Variants in RIMS2 observed in about 807,000 individuals in gnomAD.
The protein encoded by RIMS2 is regulating synaptic membrane exocytosis 2.
In RIMS2, 59 loss-of-function variants were observed where a neutral mutation model predicts 174.4. The ratio of observed to expected loss-of-function variants is 0.34; its 90% CI spans 0.27 to 0.42. The LOEUF is 0.42. Among genes scored for constraint, RIMS2 ranks in the 10% least tolerant of loss-of-function variants. The probability of loss-of-function intolerance (pLI) is 1.00; values close to 1 mark genes in which losing one functional copy is unlikely to be tolerated. For synonymous variants in RIMS2, 606 were observed against 572.5 expected, an observed-to-expected ratio of 1.06 and a Z score of -0.84; for missense variants, 1,620 against 1,666.3, an observed-to-expected ratio of 0.97 and a Z score of 0.48.
chr8:103,682,978 A>G (rs1188509577), intron 1 of RIMS2, among the ~76,000 whole-genome samples: 2 of 152,176 alleles, frequency 1.3e-5, no homozygotes, highest in Non-Finnish European at 2.9e-5. Context: ...TAGCTCTGCT[A>G]CTAATTTAAC....
chr8:103,759,284 G>T (rs2098077781), intron 2 of RIMS2, among the ~76,000 whole-genome samples: 2 of 152,244 alleles, frequency 1.3e-5, no homozygotes, highest in African/African-American at 2.4e-5. Context: ...AGGCCAAGAA[G>T]GACAGGTGTG....
intron 19 of RIMS2, among the ~76,000 whole-genome samples, chr8:104,144,161 A>G (rs2098608819): frequency 6.6e-6 from 1 of 152,110 alleles, no homozygotes. Flanking sequence ...TTCTTTAACC[A>G]TTCAGGATAC....
Position 103,628,354 on chromosome 8 carries a change from G to GT in RIMS2, c.177-68716dup, listed in dbSNP as rs5893660. On this transcript the variant is annotated intron_variant, in intron 1 of 23. Coordinates refer to ENST00000504942, the Ensembl canonical transcript of RIMS2. The stretch of plus-strand genomic sequence containing the variant: ...GGGAGTGAGTGGGAGTGAGATCCCT[G>GT]TTTTTTTTTTTTTTTTGAATCAGAA... Among the ~76,000 whole-genome samples the GT allele has an allele frequency of 9.5e-3, 1,295 of 136,472 alleles. 8 individuals carry two copies. The highest frequency in any genetic ancestry group is 0.017 in the South Asian group (74 of 4,278). 89.5% of individuals were successfully genotyped at this position (136,472 alleles called of 152,430 possible).
intron 1 of RIMS2, among the ~76,000 whole-genome samples, chr8:103,568,174 T>C (rs1410450308): frequency 6.6e-6 from 1 of 152,106 alleles, no homozygotes; most frequent in Non-Finnish European, 1.5e-5. Flanking sequence ...GGTGTGCCTC[T>C]GTAGTCCCAG....
intron 3 of RIMS2, 101 bp downstream of exon 6, chr8:103,766,638 TAAGTA>T: frequency 1.3e-6 from 1 of 744,792 alleles, no homozygotes; most frequent in Non-Finnish European, 2.2e-6. Context: ...GTGAGTTGTC[TAAGTA>T]ATGTAAACAT....
At chr8:103,823,471 C>T (rs1188050450) in intron 3 of RIMS2, among the ~76,000 whole-genome samples, 1 of 151,850 alleles carries the variant, frequency 6.6e-6, no homozygotes, top group East Asian at 1.9e-4. Context: ...TACAGGGCTA[C>T]TCTAATTATA....
chr8:103,872,975 G>A (rs1422264758), intron 3 of RIMS2, among the ~76,000 whole-genome samples: 1 of 152,138 alleles, frequency 6.6e-6, no homozygotes, highest in East Asian at 1.9e-4. Flanking sequence ...ATTTTATAAA[G>A]CTATTAATTC....
chr8:103,759,526 C>G (rs1488447610), intron 2 of RIMS2, among the ~76,000 whole-genome samples: 2 of 139,140 alleles, frequency 1.4e-5, no homozygotes, highest in Non-Finnish European at 3.0e-5. Context: ...GATTGTGCCA[C>G]TGCACTCCAG....
intron 1 of RIMS2, among the ~76,000 whole-genome samples, chr8:103,637,566 G>T (rs1372705268): frequency 2.0e-5 from 3 of 152,026 alleles, no homozygotes; most frequent in Admixed American, 2.0e-4. Context: ...TTTGTGGGAA[G>T]GTTTTTTGTT....
intron 19 of RIMS2, among the ~76,000 whole-genome samples, chr8:104,129,542 GT>G (rs1178214364): frequency 6.6e-6 from 1 of 152,246 alleles, no homozygotes; most frequent in Non-Finnish European, 1.5e-5. Flanking sequence ...GGAGGAAGCT[GT>G]GCCAGATAGG....
Position 103,936,733 on chromosome 8 carries a change from T to C in RIMS2, c.2547+11T>C. On this transcript the variant is annotated intron_variant, in intron 13 of 23. Coordinates refer to ENST00000504942, the Ensembl canonical transcript of RIMS2. ...GAATTCTTAGGCGAGGTATCTGGAG[T>C]TGTTTTAAAGTTTATGCTATTCATG... The C allele has an allele frequency of 1.9e-6, 3 of 1,590,310 alleles. No individual in the cohort carries two copies. The highest frequency in any genetic ancestry group is 2.6e-6 in the Non-Finnish European group (3 of 1,169,260).
chr8:104,223,281 T>G, intron 19 of RIMS2: 3 of 778,232 alleles, frequency 3.9e-6, no homozygotes, highest in Non-Finnish European at 4.7e-6. Flanking sequence ...CGGCCGCTGA[T>G]TGGCGGGGAC....
At chr8:104,058,666 T>C (rs1205671655) in intron 19 of RIMS2, among the ~76,000 whole-genome samples, 2 of 152,004 alleles carry the variant, frequency 1.3e-5, no homozygotes, top group Admixed American at 1.3e-4. Flanking sequence ...TGAATGGTAA[T>C]GCGTAGGTTT....
At chr8:103,757,318 GT>G (rs1219922135) in intron 2 of RIMS2, among the ~76,000 whole-genome samples, 8 of 152,072 alleles carry the variant, frequency 5.3e-5, no homozygotes, top group African/African-American at 1.9e-4. Context: ...TTTTCTGTAT[GT>G]ATTGATAATG....
At chr8:104,173,705 T>C (rs1384419203) in intron 19 of RIMS2, among the ~76,000 whole-genome samples, 2 of 133,706 alleles carry the variant, frequency 1.5e-5, no homozygotes, top group Admixed American at 8.3e-5. Flanking sequence ...CCTGGCTCAC[T>C]GCAAGCTCCA....
chr8:103,916,421 A>C (rs2076644129), exon 8 of RIMS2: 1 of 1,604,530 alleles, frequency 6.2e-7, no homozygotes, highest in African/African-American at 1.3e-5. Flanking sequence ...TAGGTGATGA[A>C]GTATTAGAAT....
intron 1 of RIMS2, among the ~76,000 whole-genome samples, chr8:103,596,749 T>G (rs2094492621): frequency 6.6e-6 from 1 of 151,916 alleles, no homozygotes; most frequent in African/African-American, 2.4e-5. Flanking sequence ...AACTTTTTTG[T>G]TACATAGTAC....
intron 17 of RIMS2, among the ~76,000 whole-genome samples, chr8:104,003,926 G>A (rs2095481091): frequency 6.6e-6 from 1 of 152,078 alleles, no homozygotes; most frequent in Admixed American, 6.6e-5. Flanking sequence ...GAAAATAGTG[G>A]TTTTAATAAA....
chr8:103,606,548 G>A (rs1285171668), intron 1 of RIMS2, among the ~76,000 whole-genome samples: 1 of 152,034 alleles, frequency 6.6e-6, no homozygotes, highest in Non-Finnish European at 1.5e-5. Context: ...TCAATTCCTG[G>A]GTATCCCTGT....
Sources: allele counts gnomAD v4.1 joint callset (sites outside exome capture counted in the v4.1 genomes callset), GRCh38; gene constraint gnomAD v4.1.1; transcripts MANE v1.5; gene names NCBI Gene and HGNC (gene_info 2026-07-23, HGNC 2026-07-21).